The following STPG2 variants were observed in gnomAD, a reference collection of about 807,000 sequenced individuals.
STPG2 encodes the protein sperm tail PG-rich repeat containing 2, also known as sperm-tail PG-rich repeat-containing protein 2.
In STPG2, 56 loss-of-function variants were observed where a neutral mutation model predicts 54.2. The observed-to-expected ratio is 1.03, with a 90% CI of 0.83 to 1.29. The LOEUF (loss-of-function observed/expected upper bound fraction) is 1.29, where lower values mean the gene tolerates loss of function less well. Among genes scored for constraint, STPG2 ranks in the 50% most tolerant of loss-of-function variants. The pLI, the probability that STPG2 is intolerant of heterozygous loss-of-function variation, is 0.00. For missense variants in STPG2, 596 were observed against 544.9 expected, an observed-to-expected ratio of 1.09 and a Z score of -0.93; for synonymous variants, 200 against 181.8, an observed-to-expected ratio of 1.10 and a Z score of -0.81.
intron 10 of STPG2, among the ~76,000 whole-genome samples, chr4:97,632,942 T>C (rs1357525181): frequency 6.6e-6 from 1 of 152,146 alleles, no homozygotes; most frequent in East Asian, 1.9e-4. Context: ...GTTCTAATTA[T>C]ATTTAGAAGG....
intron 7 of STPG2, among the ~76,000 whole-genome samples, chr4:97,972,003 T>A (rs1734343491): frequency 6.6e-6 from 1 of 152,146 alleles, no homozygotes; most frequent in African/African-American, 2.4e-5. Context: ...TTATGTGCCT[T>A]CACCTTTCTG....
chr4:98,140,830 G>A (rs921758619), intron 1 of STPG2, among the ~76,000 whole-genome samples: 3 of 152,110 alleles, frequency 2.0e-5, no homozygotes, highest in Non-Finnish European at 4.4e-5. Flanking sequence ...TTAAAAAGAA[G>A]AGAAAAACAA....
intron 9 of STPG2, among the ~76,000 whole-genome samples, chr4:97,731,350 C>T (rs1724789566): frequency 6.6e-6 from 1 of 152,046 alleles, no homozygotes; most frequent in African/African-American, 2.4e-5. Context: ...AATTTTTGTT[C>T]GGTGGCGTCA....
chr4:97,608,084 T>C (rs1560683213), intron 10 of STPG2, among the ~76,000 whole-genome samples: 1 of 151,930 alleles, frequency 6.6e-6, no homozygotes, highest in Non-Finnish European at 1.5e-5. Context: ...GGAAAAGAGA[T>C]AGCAACTACA....
chr4:97,447,003 A>C (rs929237313), intron 4 of STPG2, among the ~76,000 whole-genome samples: 2 of 152,214 alleles, frequency 1.3e-5, no homozygotes, highest in Admixed American at 6.5e-5. Context: ...GAAGATAGGA[A>C]GATGAGGAAA....
chr4:97,563,511 G>C (rs1732322656), intron 10 of STPG2, among the ~76,000 whole-genome samples: 1 of 152,034 alleles, frequency 6.6e-6, no homozygotes, highest in African/African-American at 2.4e-5. Flanking sequence ...TGCTTTTCTA[G>C]TTCTTTTAAT....
At chr4:97,737,616 G>A (rs1018438793) in intron 9 of STPG2, among the ~76,000 whole-genome samples, 4 of 152,082 alleles carry the variant, frequency 2.6e-5, no homozygotes, top group African/African-American at 9.7e-5. Flanking sequence ...TATCAGTGAT[G>A]GAAGATGAAA....
intron 4 of STPG2, among the ~76,000 whole-genome samples, chr4:97,513,096 T>G (rs1488000497): frequency 6.6e-6 from 1 of 152,098 alleles, no homozygotes; most frequent in Non-Finnish European, 1.5e-5. Context: ...TTGGATTTGA[T>G]TAATTTCCAA....
At chr4:97,550,782 T>C (rs1045537964) in intron 4 of STPG2, among the ~76,000 whole-genome samples, 2 of 152,074 alleles carry the variant, frequency 1.3e-5, no homozygotes, top group African/African-American at 4.8e-5. Context: ...CTCGCTTGAC[T>C]TCAGGAGTGA....
intron 8 of STPG2, among the ~76,000 whole-genome samples, chr4:97,923,450 G>T (rs1732204493): frequency 6.6e-6 from 1 of 152,272 alleles, no homozygotes; most frequent in Non-Finnish European, 1.5e-5. Flanking sequence ...TGTGGCCCCA[G>T]TGCTGGATCC....
At chr4:97,581,686 G>T (rs1732866944) in intron 10 of STPG2, among the ~76,000 whole-genome samples, 1 of 151,828 alleles carries the variant, frequency 6.6e-6, no homozygotes, top group Admixed American at 6.6e-5. Context: ...GTAATATTAT[G>T]GTCAAACACA....
chr4:97,595,292 C>G (rs1287057564), intron 10 of STPG2, among the ~76,000 whole-genome samples: 1 of 152,236 alleles, frequency 6.6e-6, no homozygotes, highest in African/African-American at 2.4e-5. Flanking sequence ...GAGTTCATGT[C>G]CTTTGTAGGG....
chr4:97,826,286 C>T (rs916389380), intron 9 of STPG2, among the ~76,000 whole-genome samples: 11 of 152,076 alleles, frequency 7.2e-5, no homozygotes, highest in African/African-American at 2.7e-4. Flanking sequence ...TATAAGAAGA[C>T]ATGGGAATGT....
chr4:97,897,455 GT>G (rs1730999555), intron 8 of STPG2, among the ~76,000 whole-genome samples: 1 of 152,006 alleles, frequency 6.6e-6, no homozygotes, highest in Non-Finnish European at 1.5e-5. Flanking sequence ...TGGTATTTCT[GT>G]TTTTAGGTCT....
At chr4:98,095,148 C>T (rs1007229034) in intron 5 of STPG2, among the ~76,000 whole-genome samples, 1 of 151,972 alleles carries the variant, frequency 6.6e-6, no homozygotes, top group African/African-American at 2.4e-5. Context: ...ATTTGGAAGC[C>T]TCATGGTAGC....
In STPG2 at chr4:98,089,492, G is replaced by A. The variant is rs76873182; in HGVS notation, c.612+16461C>T. On this transcript the variant is annotated intron_variant, in intron 5 of 10. Transcript: ENST00000295268. ...GTTGGTTCCATATCTTTGCAATTGC[G>A]AACTGTGCTACTAAAAACATGCATG... is the stretch of plus-strand genomic sequence containing the variant. Among the ~76,000 whole-genome samples the A allele has an allele frequency of 1.8e-4, 28 of 151,654 alleles. 1 individual carries two copies. Among genetic ancestry groups the A allele is most frequent in the South Asian group, 1.1e-3 (5 of 4,736 alleles).
chr4:97,866,042 A>G (rs1729760012), intron 8 of STPG2, among the ~76,000 whole-genome samples: 1 of 151,908 alleles, frequency 6.6e-6, no homozygotes, highest in Non-Finnish European at 1.5e-5. Context: ...CTAAAAATTA[A>G]AACAGTTGAA....
chr4:97,720,637 AT>A (rs764332718), intron 9 of STPG2, among the ~76,000 whole-genome samples: 106 of 151,580 alleles, frequency 7.0e-4, no homozygotes, highest in Middle Eastern at 3.4e-3. Context: ...AATTTAGGGA[AT>A]TTTTTTTTGA....
intron 4 of STPG2, among the ~76,000 whole-genome samples, chr4:97,540,659 C>G (rs189802904): frequency 5.8e-4 from 89 of 152,140 alleles, no homozygotes; most frequent in Non-Finnish European, 1.1e-3. Flanking sequence ...CTGGCAGAGA[C>G]ACAACAAAAA....
Sources: allele counts gnomAD v4.1 joint callset (sites outside exome capture counted in the v4.1 genomes callset), GRCh38; gene constraint gnomAD v4.1.1; transcripts MANE v1.5; gene names NCBI Gene and HGNC (gene_info 2026-07-23, HGNC 2026-07-21).